Variants in PAPLN observed in about 807,000 individuals in gnomAD.
PAPLN encodes papilin, proteoglycan like sulfated glycoprotein.
A neutral mutation model predicts 159.0 loss-of-function variants in PAPLN; 146 were observed. The ratio of observed to expected loss-of-function variants is 0.92; its 90% CI spans 0.80 to 1.05. The LOEUF (loss-of-function observed/expected upper bound fraction) is 1.05, where lower values mean the gene tolerates loss of function less well. PAPLN is among the 50% of genes least tolerant of loss of function. The probability of loss-of-function intolerance (pLI) is 0.00; values close to 1 mark genes in which losing one functional copy is unlikely to be tolerated. For synonymous variants in PAPLN, 734 were observed against 702.9 expected (o/e 1.04, Z -0.70); for missense variants, 1,720 against 1,743.9 (o/e 0.99, Z 0.24).
chr14:73,254,235 A>C (rs1189437703), intron 12 of PAPLN, among the ~76,000 whole-genome samples: 1 of 152,156 alleles, frequency 6.6e-6, no homozygotes, highest in Non-Finnish European at 1.5e-5. Flanking sequence ...AGGAGCTGGA[A>C]GTGTCTAGGC....
chr14:73,259,599 C>T (rs867951684), intron 16 of PAPLN, 54 bp downstream of exon 16: 2 of 1,435,754 alleles, frequency 1.4e-6, no homozygotes, highest in Non-Finnish European at 1.8e-6. Flanking sequence ...GAAGGTGGGA[C>T]CCCGTGGGTG....
At position 73,244,702 on chromosome 14, in the gene PAPLN, G is replaced by A. The variant is rs1883998879; in HGVS notation, c.113G>A (p.Cys38Tyr). The A allele has an allele frequency of 6.3e-7, 1 of 1,599,636 alleles. No individual in the cohort carries two copies. Among genetic ancestry groups the A allele is most frequent in the Non-Finnish European group, 8.5e-7 (1 of 1,173,572 alleles). ...GGACCCTGGAGCCAGTGGAGCCCCT[G>A]CAGCCGGACCTGTGGAGGGGGTGTC... Reference protein sequence around the residue: ...TWGPWSQWSPCSRTCGGGVSF... With the variant: ...TWGPWSQWSPYSRTCGGGVSF... Residue 38 changes from cysteine to tyrosine, a missense_variant, in exon 3 of 27, where the codon TGC (cysteine) becomes TAC (tyrosine). Physicochemically the swap from Cys to Tyr is radical, Grantham distance 194. Transcript: ENST00000644200.
chr14:73,247,829 T>G (rs1884671549), intron 5 of PAPLN, among the ~76,000 whole-genome samples: 2 of 130,214 alleles, frequency 1.5e-5, no homozygotes, highest in African/African-American at 2.9e-5. Context: ...TGTGTGTGTG[T>G]GTGTGTGTGT....
chr14:73,251,803 C>G lies in PAPLN; in HGVS notation c.810C>G (p.Ala270=), dbSNP rs1293952855. ...EGDLAPERLH[A]RGPTSEPLVI... ...ACCTGGCCCCTGAGCGACTCCATGC[C>G]CGGGGCCCCACCTCGGAGCCCCTGG... The change falls in exon 9 of 27, where the codon GCC becomes GCG. Residue 270 remains alanine (A), a synonymous_variant. Transcript: ENST00000644200. 2 of 1,601,570 alleles carry G rather than the reference C, an allele frequency of 1.2e-6. No homozygotes were observed. Among genetic ancestry groups the G allele is most frequent in the Admixed American group, 3.6e-5 (2 of 56,068 alleles).
At chr14:73,243,967 A>T (rs2140185297) in intron 2 of PAPLN, 1 of 152,434 alleles carries the variant, frequency 6.6e-6, no homozygotes, top group Non-Finnish European at 1.5e-5. Context: ...CTTCCCAGAC[A>T]GCCTGAAAGA....
chr14:73,272,775 A>G lies in PAPLN; in HGVS notation c.*111A>G. ...GCTGGCAAAGGGAGTTATCTTCTGG[A>G]ATACATTAGCTCTTTCAAAAACCCA... is the stretch of plus-strand genomic sequence containing the variant. On this transcript the variant is annotated 3_prime_UTR_variant, in exon 27 of 27. Coordinates refer to ENST00000644200, the MANE Select transcript of PAPLN (RefSeq NM_001365906.3). 1 of 1,239,264 alleles carries G rather than the reference A, an allele frequency of 8.1e-7. No individual in the cohort carries two copies. Among genetic ancestry groups the G allele is most frequent in the Non-Finnish European group, 1.1e-6 (1 of 936,460 alleles). The allele number at this position is 1,239,264 out of a possible 1,614,324, so 76.8% of individuals were successfully genotyped here.
Position 73,263,705 on chromosome 14 carries a change from G to T in PAPLN, c.2784G>T (p.Arg928=). The change falls in exon 20 of 27, where the codon CGG becomes CGT. Residue 928 remains arginine (R), a synonymous_variant. Coordinates refer to ENST00000644200, the MANE Select transcript of PAPLN (RefSeq NM_001365906.3). ...AGGCAGCCCTGGGGCAGTTGGTGCG[G>T]CTCTCCTGCTCAGACGACACTGCCC... The part of the protein sequence containing the change: ...LVQAALGQLV[R]LSCSDDTAPE... 1.9e-6 allele frequency: 3 copies of T among 1,612,760 alleles called. No homozygotes were observed. The highest frequency in any genetic ancestry group is 1.7e-6 in the Non-Finnish European group (2 of 1,179,954).
At position 73,250,001 on chromosome 14, in the gene PAPLN, C is replaced by T. The variant is rs998117929; in HGVS notation, c.352C>T (p.Leu118=). Residue 118 remains leucine (L), a synonymous_variant, in exon 6 of 27, where the codon CTG becomes TTG. Coordinates refer to ENST00000644200, the MANE Select transcript of PAPLN (RefSeq NM_001365906.3). The part of the protein sequence containing the change: ...PYYSAPNKCE[L]NCIPKGENFY... Reference sequence around the variant, plus strand: ...CACCCCAGCCCCAAACAAGTGTGAACTGAACTGCATTCCCAAGGGGGAGAA... The same window carrying T: ...CACCCCAGCCCCAAACAAGTGTGAATTGAACTGCATTCCCAAGGGGGAGAA... 6.2e-7 allele frequency: 1 copy of T among 1,610,568 alleles called. No individual in the cohort carries two copies. The highest frequency in any genetic ancestry group is 1.1e-5 in the South Asian group (1 of 90,400).
intron 2 of PAPLN, chr14:73,242,968 G>C (rs1379106266): frequency 1.3e-5 from 2 of 152,244 alleles, no homozygotes; most frequent in Non-Finnish European, 2.9e-5. Flanking sequence ...AGCTGCTCAG[G>C]GGTCACCATG....
rs1594827305 is a variant in PAPLN at position 73,264,443 on chromosome 14, T to C, written c.2986+108T>C. 1.4e-5 allele frequency: 21 copies of C among 1,523,518 alleles called. No individual in the cohort carries two copies. The East Asian group carries it at 4.8e-4, about 35-fold the overall frequency. The allele number at this position is 1,523,518 out of a possible 1,614,324, so 94.4% of individuals were successfully genotyped here. On this transcript the variant is annotated intron_variant, in intron 21 of 26. Transcript: ENST00000644200. ...CCTCACGCTAGAGGGGCCCAGGGTG[T>C]CTCTCTGAGTCAATTCCTCCTGCTG...
Position 73,239,847 on chromosome 14 carries a change from G to GCCCCGGC in PAPLN, c.54+22_54+28dup. ...CCGGGTCCTCGGTGAGTGCGGTCCT[G>GCCCCGGC]CCCCGGCCCCCGGAGGAACCTGCAG... On this transcript the variant is annotated intron_variant, in intron 2 of 26. Transcript: ENST00000644200. 6 of 1,574,150 alleles carry GCCCCGGC rather than the reference G, an allele frequency of 3.8e-6. No homozygotes were observed. Among genetic ancestry groups the GCCCCGGC allele is most frequent in the Non-Finnish European group, 5.1e-6 (6 of 1,165,824 alleles).
At chr14:73,271,017 GGTTGCT>G (rs745313598) in intron 26 of PAPLN, among the ~76,000 whole-genome samples, 3 of 152,182 alleles carry the variant, frequency 2.0e-5, no homozygotes, top group Non-Finnish European at 4.4e-5. Context: ...CTGTGAAGTA[GGTTGCT>G]GTTGCTGTTA....
At chr14:73,246,642 CTTTT>C (rs60063397) in intron 5 of PAPLN, among the ~76,000 whole-genome samples, 2 of 116,852 alleles carry the variant, frequency 1.7e-5, no homozygotes, top group African/African-American at 3.2e-5. Context: ...TTCTTTCTTT[CTTTT>C]TTTTTTTTTT....
In PAPLN at chr14:73,268,626, C is replaced by T. The variant is rs1887437924; in HGVS notation, c.3570C>T (p.Tyr1190=). 1 of 1,614,048 alleles carries T rather than the reference C, an allele frequency of 6.2e-7. No individual in the cohort carries two copies. The highest frequency in any genetic ancestry group is 1.3e-5 in the African/African-American group (1 of 75,050). ...CCCCAGATGGCACGCTGCTCATTTA[C>T]AACTTGCGGGCCAGGGATGAGGGCT... ...HQSPDGTLLI[Y]NLRARDEGSY... Residue 1190 remains tyrosine, a synonymous_variant, in exon 26 of 27, where the codon TAC becomes TAT. Transcript: ENST00000644200.
intron 19 of PAPLN, chr14:73,263,336 C>T (rs1886793607): frequency 4.0e-6 from 2 of 506,150 alleles, no homozygotes; most frequent in Non-Finnish European, 7.1e-6. Context: ...TGTAGTTTAG[C>T]CCCCACATGA....
upstream of PAPLN, among the ~76,000 whole-genome samples, chr14:73,236,499 G>A (rs115373220): frequency 0.023 from 3,485 of 152,210 alleles, 138 homozygotes; most frequent in African/African-American, 0.077. Context: ...ACCAGGTTGG[G>A]CGAGACCTTG....
intron 5 of PAPLN, among the ~76,000 whole-genome samples, chr14:73,247,889 C>CGT (rs71112721): frequency 0.015 from 288 of 19,842 alleles, 4 homozygotes; most frequent in African/African-American, 0.019. Context: ...TCATATCCTC[C>CGT]GTGTGTGTGT....
In PAPLN at chr14:73,262,538, C is replaced by T. The variant is rs61740318; in HGVS notation, c.2434C>T (p.Arg812Cys). The T allele has an allele frequency of 1.7e-3, 2,620 of 1,570,872 alleles. 40 individuals are homozygous for T. The African/African-American group carries it at 0.032, about 19-fold the overall frequency. Residue 812 changes from arginine to cysteine, a missense_variant, in exon 19 of 27, where the codon CGT becomes TGT. Coordinates refer to ENST00000644200, the MANE Select transcript of PAPLN (RefSeq NM_001365906.3). ...CTGCCAGGGATCTCTCCATGGGCCC[C>T]GTCGTCCCCAGCCTGGGGCTTCTGG... ...SSCQGSLHGP[R>C]RPQPGASGRS...
At position 73,245,506 on chromosome 14, in the gene PAPLN, C is replaced by G; in HGVS notation, c.171-130C>G. On this transcript the variant is annotated intron_variant, in intron 3 of 26. Coordinates refer to ENST00000644200, the MANE Select transcript of PAPLN (RefSeq NM_001365906.3). This position sits in a 1 kb window ranked among gnomAD's most constrained non-coding sequence, Gnocchi z 4.2. ...ACCTGGGGGATTTACGGGGTGGGGT[C>G]GGGGGACACCCTCTCACCTTGCTGC... is the stretch of plus-strand genomic sequence containing the variant. The G allele has an allele frequency of 1.0e-6, 1 of 1,001,212 alleles. No homozygotes were observed. The highest frequency in any genetic ancestry group is 1.5e-6 in the Non-Finnish European group (1 of 688,770). The allele number at this position is 1,001,212 out of a possible 1,614,324, so 62.0% of individuals were successfully genotyped here.
Sources: gnomAD v4.1 joint callset for allele counts (sites outside exome capture counted in the v4.1 genomes callset) on GRCh38, gnomAD v4.1.1 for gene constraint, Gnocchi (gnomAD v3.1) non-coding constraint, MANE v1.5 for transcripts, NCBI Gene and HGNC (gene_info 2026-07-23, HGNC 2026-07-21) for gene names.